Variants in HDC observed in about 807,000 individuals in gnomAD.
The protein encoded by HDC is histidine decarboxylase.
HDC carries 27 observed loss-of-function variants against 64.4 expected under a neutral mutation model. That is an observed-to-expected ratio of 0.42 (90% CI 0.31 to 0.58). HDC has a LOEUF of 0.58. Among genes scored for constraint, HDC ranks in the 20% least tolerant of loss-of-function variants. HDC has a pLI of 0.16. For missense variants in HDC, 711 were observed against 833.9 expected, an observed-to-expected ratio of 0.85 and a Z score of 1.81; for synonymous variants, 305 against 314.2, an observed-to-expected ratio of 0.97 and a Z score of 0.31.
chr15:50,251,882 G>C (rs1438500257), intron 9 of HDC, among the ~76,000 whole-genome samples: 1 of 152,006 alleles, frequency 6.6e-6, no homozygotes, highest in Non-Finnish European at 1.5e-5. Context: ...AAAAGAGAGA[G>C]AGAGTGAGTT....
chr15:50,251,878 G>C (rs1023931114), intron 9 of HDC, among the ~76,000 whole-genome samples: 1 of 151,954 alleles, frequency 6.6e-6, no homozygotes, highest in Non-Finnish European at 1.5e-5. Flanking sequence ...AAAGAAAAGA[G>C]AGAGAGAGTG....
At chr15:50,247,940 C>T (rs1287164093) in intron 10 of HDC, among the ~76,000 whole-genome samples, 1 of 147,168 alleles carries the variant, frequency 6.8e-6, no homozygotes, top group Non-Finnish European at 1.5e-5. Context: ...CCTTGATTTA[C>T]TTTCTCTTTC....
chr15:50,254,739 TCTCTC>T, intron 4 of HDC, 75 bp from the exon 5 acceptor site: 2 of 92,842 alleles, frequency 2.2e-5, no homozygotes, highest in Non-Finnish European at 3.5e-5. Context: ...TCTAGTTTTT[TCTCTC>T]TCTCTCTCTC....
chr15:50,251,744 A>C (rs776582570), intron 9 of HDC, among the ~76,000 whole-genome samples: 2 of 152,072 alleles, frequency 1.3e-5, no homozygotes, highest in Non-Finnish European at 2.9e-5. Flanking sequence ...AGGCAGGAGA[A>C]TCGCTTGAAC....
At position 50,248,803 on chromosome 15, in the gene HDC, C is replaced by T. The variant is rs2045516815; in HGVS notation, c.1042-460G>A. 6.6e-6 allele frequency among the ~76,000 whole-genome samples: 1 copy of T among 152,256 alleles called. No homozygotes were observed. Among genetic ancestry groups the T allele is most frequent in the South Asian group, 2.1e-4 (1 of 4,816 alleles). On this transcript the variant is annotated intron_variant, in intron 9 of 11. Coordinates refer to ENST00000267845, the MANE Select transcript of HDC (RefSeq NM_002112.4). The surrounding 1 kb of genome is among the most constrained non-coding windows in gnomAD (Gnocchi z 4.3). ...ACTAGAGCCCTGCAGACCTAGGTTT[C>T]GCCTCCAGCTGTGCCACTTACTAGC...
At chr15:50,260,207 G>A (rs763174500) in intron 2 of HDC, among the ~76,000 whole-genome samples, 1 of 151,954 alleles carries the variant, frequency 6.6e-6, no homozygotes, top group Non-Finnish European at 1.5e-5. Flanking sequence ...ATTTTTAATA[G>A]AGACAGTGTT....
chr15:50,262,727 G>A (rs993153157), intron 2 of HDC, among the ~76,000 whole-genome samples: 5 of 152,178 alleles, frequency 3.3e-5, no homozygotes, highest in African/African-American at 9.7e-5. Context: ...AGTTTCCTGG[G>A]CCAACGCAAC....
chr15:50,250,310 G>A (rs1372628995), intron 9 of HDC, among the ~76,000 whole-genome samples: 1 of 152,180 alleles, frequency 6.6e-6, no homozygotes, highest in Non-Finnish European at 1.5e-5. Context: ...TCAGGATCAT[G>A]AAAAAGATAG....
chr15:50,251,083 T>C (rs889649209), intron 9 of HDC, among the ~76,000 whole-genome samples: 2 of 152,204 alleles, frequency 1.3e-5, no homozygotes, highest in African/African-American at 4.8e-5. Flanking sequence ...GTGTATTAAT[T>C]TGTATAATCC....
intron 10 of HDC, among the ~76,000 whole-genome samples, chr15:50,244,261 A>G (rs1042511532): frequency 1.4e-5 from 2 of 145,188 alleles, no homozygotes; most frequent in Non-Finnish European, 3.0e-5. Flanking sequence ...ATTTCAAGAG[A>G]GGGCAAGGGA....
In HDC at chr15:50,252,897, G is replaced by C; in HGVS notation, c.788-123C>G. On this transcript the variant is annotated intron_variant, in intron 7 of 11. Transcript: ENST00000267845. The stretch of plus-strand genomic sequence containing the variant: ...TGCTTTGGCTAAATGAGAAACGGAG[G>C]GGTGTGGAGATGGGAGCAGGTGGAG... The C allele has an allele frequency of 4.0e-6, 4 of 996,612 alleles. No homozygotes were observed. The Admixed American group carries it at 8.4e-5, about 21-fold the overall frequency. 61.7% of individuals were successfully genotyped at this position (996,612 alleles called of 1,614,324 possible).
At chr15:50,264,166 T>C (rs2045739869) in intron 1 of HDC, among the ~76,000 whole-genome samples, 1 of 152,154 alleles carries the variant, frequency 6.6e-6, no homozygotes, top group African/African-American at 2.4e-5. Flanking sequence ...CCAGTTCCGA[T>C]AAAGGACAAA....
intron 1 of HDC, among the ~76,000 whole-genome samples, chr15:50,264,568 A>G (rs2045744295): frequency 6.6e-6 from 1 of 152,190 alleles, no homozygotes; most frequent in Non-Finnish European, 1.5e-5. Flanking sequence ...TGCAGTCTTC[A>G]GTGCCTCTGT....
chr15:50,257,843 T>C lies in HDC; in HGVS notation c.319-296A>G, dbSNP rs192828413. On this transcript the variant is annotated intron_variant, in intron 3 of 11. Coordinates refer to ENST00000267845, the MANE Select transcript of HDC (RefSeq NM_002112.4). ...TCTCCAAGTCGCTAAAATACATAGC[T>C]GAGAAGTCCTCAAATGCCCAGGGGG... Among the ~76,000 whole-genome samples the C allele has an allele frequency of 3.9e-5, 6 of 152,272 alleles. No homozygotes were observed. The East Asian group carries it at 9.7e-4, about 24-fold the overall frequency.
intron 4 of HDC, among the ~76,000 whole-genome samples, chr15:50,255,187 C>T (rs2045614635): frequency 1.3e-5 from 2 of 152,150 alleles, no homozygotes; most frequent in African/African-American, 4.8e-5. Flanking sequence ...TGGAGAGCAT[C>T]CCTTTAACTG....
chr15:50,249,368 T>G (rs2045524209), intron 9 of HDC, among the ~76,000 whole-genome samples: 1 of 152,222 alleles, frequency 6.6e-6, no homozygotes, highest in East Asian at 1.9e-4. Context: ...CAATTTCTGT[T>G]GACTAAAAAT....
At chr15:50,251,663 T>A (rs2045555855) in intron 9 of HDC, among the ~76,000 whole-genome samples, 1 of 151,982 alleles carries the variant, frequency 6.6e-6, no homozygotes, top group Non-Finnish European at 1.5e-5. Flanking sequence ...GCTGAGGATG[T>A]GGAATCAAGA....
At chr15:50,243,043 A>AC in intron 11 of HDC, 37 bp from the exon 12 acceptor site, 1 of 1,613,998 alleles carries the variant, frequency 6.2e-7, no homozygotes, top group Non-Finnish European at 8.5e-7. Context: ...TCTCCATCGC[A>AC]CCCCCTGTCA....
At chr15:50,246,119 A>T (rs2045478170) in intron 10 of HDC, among the ~76,000 whole-genome samples, 1 of 152,168 alleles carries the variant, frequency 6.6e-6, no homozygotes. Context: ...GGCTTCAGGG[A>T]AAGTCCCGGG....
Sources: gnomAD v4.1 joint callset for allele counts (sites outside exome capture counted in the v4.1 genomes callset) on GRCh38, gnomAD v4.1.1 for gene constraint, Gnocchi (gnomAD v3.1) non-coding constraint, MANE v1.5 for transcripts, NCBI Gene and HGNC (gene_info 2026-07-23, HGNC 2026-07-21) for gene names.